ALPK1: variants seen among roughly 807,000 people sequenced by gnomAD.
ALPK1 encodes alpha kinase 1.
Under a neutral mutation model 120.6 loss-of-function variants are expected in ALPK1, and 110 were observed. The ratio of observed to expected loss-of-function variants is 0.91; its 90% confidence interval spans 0.78 to 1.07. ALPK1 has a LOEUF of 1.07. ALPK1 is among the 50% of genes least tolerant of loss of function. ALPK1 has a pLI of 0.00. For synonymous variants in ALPK1, 582 were observed against 560.3 expected (o/e 1.04, Z -0.55); for missense variants, 1,498 against 1,483.9 (o/e 1.01, Z -0.16).
At chr4:112,357,174 T>C in intron 2 of ALPK1, 1 of 1,540,764 alleles carries the variant, frequency 6.5e-7, no homozygotes, top group Non-Finnish European at 8.9e-7. Flanking sequence ...AGCTACATCT[T>C]TGAGCTGTTT....
chr4:112,434,141 T>C (rs887910288), intron 11 of ALPK1, among the ~76,000 whole-genome samples: 3 of 152,236 alleles, frequency 2.0e-5, no homozygotes, highest in Non-Finnish European at 2.9e-5. Context: ...GCTTTCTTCT[T>C]ATTTGTTATC....
intron 5 of ALPK1, among the ~76,000 whole-genome samples, chr4:112,423,401 T>C (rs1456030870): frequency 6.6e-6 from 1 of 152,198 alleles, no homozygotes; most frequent in Non-Finnish European, 1.5e-5. Context: ...CATGTAGGGC[T>C]TAGAGGAACC....
intron 5 of ALPK1, among the ~76,000 whole-genome samples, chr4:112,419,575 G>A (rs1208544443): frequency 6.6e-6 from 1 of 152,096 alleles, no homozygotes; most frequent in Non-Finnish European, 1.5e-5. Flanking sequence ...AGGGAGGACA[G>A]TAACTTTAAA....
At chr4:112,388,600 C>A (rs1245625959) in intron 4 of ALPK1, among the ~76,000 whole-genome samples, 2 of 145,736 alleles carry the variant, frequency 1.4e-5, no homozygotes, top group African/African-American at 2.5e-5. Flanking sequence ...GCTTTCATAG[C>A]AGAAATCTTT....
intron 1 of ALPK1, among the ~76,000 whole-genome samples, chr4:112,298,631 A>G (rs1021739119): frequency 6.6e-6 from 1 of 152,208 alleles, no homozygotes; most frequent in African/African-American, 2.4e-5. Context: ...GCCAATAATT[A>G]CTTTAAACTT....
intron 5 of ALPK1, among the ~76,000 whole-genome samples, chr4:112,413,558 T>G (rs2148750529): frequency 6.6e-6 from 1 of 152,244 alleles, no homozygotes; most frequent in Admixed American, 6.5e-5. Flanking sequence ...AGCTGAGACT[T>G]TAGGCATGCG....
At chr4:112,381,040 G>A (rs936946869) in intron 3 of ALPK1, among the ~76,000 whole-genome samples, 3 of 152,230 alleles carry the variant, frequency 2.0e-5, no homozygotes, top group Non-Finnish European at 4.4e-5. Flanking sequence ...AATCCAAAGA[G>A]CCGGAACGGG....
chr4:112,356,884 TCA>T (rs1730648046), intron 2 of ALPK1: 1 of 746,052 alleles, frequency 1.3e-6, no homozygotes, highest in African/African-American at 1.7e-5. Flanking sequence ...TTGATGAAAC[TCA>T]CAAGGTGAAG....
chr4:112,393,240 C>A (rs1230392999), intron 4 of ALPK1, among the ~76,000 whole-genome samples: 2 of 152,164 alleles, frequency 1.3e-5, no homozygotes, highest in Admixed American at 6.5e-5. Context: ...AAGGAGAAGA[C>A]CCAGAAATAT....
At chr4:112,336,024 AATCC>A (rs1200083725) in intron 2 of ALPK1, among the ~76,000 whole-genome samples, 1 of 152,162 alleles carries the variant, frequency 6.6e-6, no homozygotes, top group African/African-American at 2.4e-5. Flanking sequence ...CCAACCAACC[AATCC>A]ATGCCCTTGG....
intron 1 of ALPK1, among the ~76,000 whole-genome samples, chr4:112,300,818 A>G (rs1727752499): frequency 6.6e-6 from 1 of 151,964 alleles, no homozygotes; most frequent in African/African-American, 2.4e-5. Context: ...AGTAATTTAT[A>G]TCTGCACATA....
At chr4:112,356,696 C>A in intron 2 of ALPK1, 1 of 978,298 alleles carries the variant, frequency 1.0e-6, no homozygotes, top group Non-Finnish European at 1.6e-6. Context: ...GCTGGCCAGC[C>A]CCATCCTGGA....
intron 4 of ALPK1, among the ~76,000 whole-genome samples, chr4:112,386,011 C>T (rs149925914): frequency 9.2e-5 from 14 of 152,078 alleles, no homozygotes; most frequent in Non-Finnish European, 1.8e-4. Flanking sequence ...AATAACAGAT[C>T]GAAGTTGAGA....
intron 14 of ALPK1, 54 bp downstream of exon 14, chr4:112,439,926 T>A: frequency 1.4e-6 from 2 of 1,420,500 alleles, no homozygotes; most frequent in Non-Finnish European, 1.9e-6. Context: ...AAATGTGAAG[T>A]TTTGTAACTA....
intron 2 of ALPK1, chr4:112,356,083 C>T: frequency 2.8e-6 from 3 of 1,071,336 alleles, no homozygotes; most frequent in Non-Finnish European, 4.4e-6. Flanking sequence ...CTCACAGACC[C>T]GAATAGCCTG....
chr4:112,328,504 TTGAG>T (rs1729215089), intron 2 of ALPK1, among the ~76,000 whole-genome samples: 1 of 152,244 alleles, frequency 6.6e-6, no homozygotes, highest in African/African-American at 2.4e-5. Flanking sequence ...GTTGCCATTG[TTGAG>T]TATTTGTTCT....
intron 1 of ALPK1, chr4:112,302,615 A>C (rs1449612053): frequency 6.6e-6 from 1 of 152,290 alleles, no homozygotes; most frequent in African/African-American, 2.4e-5. Flanking sequence ...AGGCAAGGCA[A>C]ACCAATCCTT....
chr4:112,411,789 T>C, intron 4 of ALPK1, 38 bp from the exon 5 acceptor site: 1 of 1,572,980 alleles, frequency 6.4e-7, no homozygotes, highest in Non-Finnish European at 8.6e-7. Flanking sequence ...CTGCCAGCGT[T>C]TCCGCCTGGC....
At chr4:112,307,907 C>T (rs1443558062) in intron 1 of ALPK1, among the ~76,000 whole-genome samples, 3 of 152,002 alleles carry the variant, frequency 2.0e-5, no homozygotes, top group Non-Finnish European at 4.4e-5. Flanking sequence ...TTCCATGTTT[C>T]GTGCTTCCTT....
Sources: allele counts gnomAD v4.1 joint callset (sites outside exome capture counted in the v4.1 genomes callset), GRCh38; gene constraint gnomAD v4.1.1; transcripts MANE v1.5; gene names NCBI Gene and HGNC (gene_info 2026-07-23, HGNC 2026-07-21).